MTMR7: variants seen among roughly 807,000 people sequenced by gnomAD.
MTMR7 encodes the protein myotubularin related protein 7.
In MTMR7, 76 loss-of-function variants were observed where a neutral mutation model predicts 81.2. That is an observed-to-expected ratio of 0.94 (90% confidence interval 0.78 to 1.13). The LOEUF (loss-of-function observed/expected upper bound fraction) is 1.13, where lower values mean the gene tolerates loss of function less well. Ranked by LOEUF, MTMR7 falls within the 50% of genes most tolerant of loss-of-function variation. The pLI is 0.00. For synonymous variants in MTMR7, 372 were observed against 289.8 expected (o/e 1.28, Z -2.88); for missense variants, 1,044 against 820.0 (o/e 1.27, Z -3.34).
At chr8:17,326,590 A>G (rs1028416370) in intron 7 of MTMR7, 8 of 151,916 alleles carry the variant, frequency 5.3e-5, no homozygotes, top group Non-Finnish European at 5.9e-5. Context: ...TTAAAAGACA[A>G]TTTAAAAGTG....
chr8:17,328,018 G>C (rs1348293199), intron 7 of MTMR7, among the ~76,000 whole-genome samples: 3 of 152,144 alleles, frequency 2.0e-5, no homozygotes, highest in African/African-American at 7.2e-5. Flanking sequence ...TTAGTTTAAT[G>C]AATACATTGA....
chr8:17,409,970 T>G (rs1171151941), intron 1 of MTMR7, among the ~76,000 whole-genome samples: 1 of 152,014 alleles, frequency 6.6e-6, no homozygotes, highest in Non-Finnish European at 1.5e-5. Context: ...GCTGGAGAAG[T>G]AGGAAGGGCT....
At chr8:17,336,813 G>T (rs1476218295) in intron 6 of MTMR7, among the ~76,000 whole-genome samples, 1 of 152,176 alleles carries the variant, frequency 6.6e-6, no homozygotes, top group Non-Finnish European at 1.5e-5. Flanking sequence ...CGTCAGGCGT[G>T]TGCTCAGAGG....
At chr8:17,309,788 T>G (rs1348918060) in intron 9 of MTMR7, among the ~76,000 whole-genome samples, 2 of 152,174 alleles carry the variant, frequency 1.3e-5, no homozygotes, top group Admixed American at 6.5e-5. Context: ...CTCAGTGTAA[T>G]GTAAATTACC....
chr8:17,385,500 C>G (rs781220527), intron 1 of MTMR7, among the ~76,000 whole-genome samples: 1 of 152,192 alleles, frequency 6.6e-6, no homozygotes, highest in African/African-American at 2.4e-5. Context: ...TGCCCACCAC[C>G]ACGTAAGAAG....
At chr8:17,338,263 T>C (rs1368271398) in intron 6 of MTMR7, among the ~76,000 whole-genome samples, 2 of 152,222 alleles carry the variant, frequency 1.3e-5, no homozygotes, top group African/African-American at 4.8e-5. Context: ...AAATATACCC[T>C]TCAAATCAAA....
At position 17,339,226 on chromosome 8, in the gene MTMR7, G is replaced by C. The variant is rs373010550; in HGVS notation, c.732+2137C>G. ...CTGGTTCTATTTTACCCTTCCTGTTGTAATGTTTATTTCCTATGTTCTTTT... is the reference window on the plus strand; with the variant it reads ...CTGGTTCTATTTTACCCTTCCTGTTCTAATGTTTATTTCCTATGTTCTTTT... On this transcript the variant is annotated intron_variant, in intron 6 of 13. Transcript: ENST00000180173. 2.6e-4 allele frequency among the ~76,000 whole-genome samples: 40 copies of C among 152,186 alleles called. 1 individual carries two copies. The highest frequency in any genetic ancestry group is 8.9e-4 in the African/African-American group (37 of 41,522).
rs540027386 is a variant in MTMR7 at position 17,306,996 on chromosome 8, A to G, written c.1152-1039T>C. Among the ~76,000 whole-genome samples the G allele has an allele frequency of 4.6e-5, 7 of 152,358 alleles. No individual in the cohort carries two copies. In the South Asian group the frequency reaches 1.2e-3, roughly 27 times the overall value. On this transcript the variant is annotated intron_variant, in intron 10 of 13. Transcript: ENST00000180173. ...AGGCATGGGCAAGGACTTCATGTCT[A>G]AAACACCAAAAGCAATGGCAGCAAA...
chr8:17,320,599 G>T (rs992066348), intron 7 of MTMR7, among the ~76,000 whole-genome samples: 1 of 151,354 alleles, frequency 6.6e-6, no homozygotes, highest in African/African-American at 2.4e-5. Flanking sequence ...AAGTCTTCCT[G>T]TGAATTCAGG....
intron 1 of MTMR7, among the ~76,000 whole-genome samples, chr8:17,380,738 G>A (rs1355230483): frequency 6.6e-6 from 1 of 152,158 alleles, no homozygotes; most frequent in African/African-American, 2.4e-5. Flanking sequence ...ACTTGTAAAT[G>A]CCTTTGAGGT....
At chr8:17,406,195 C>G (rs1217332896) in intron 1 of MTMR7, among the ~76,000 whole-genome samples, 1 of 151,976 alleles carries the variant, frequency 6.6e-6, no homozygotes, top group African/African-American at 2.4e-5. Flanking sequence ...CAAGAGACAT[C>G]AAAACAGTGA....
chr8:17,388,591 G>A (rs942125144), intron 1 of MTMR7, among the ~76,000 whole-genome samples: 1 of 152,212 alleles, frequency 6.6e-6, no homozygotes, highest in African/African-American at 2.4e-5. Context: ...TTCTGAATTT[G>A]ACCTATTTTT....
At chr8:17,302,364 T>C (rs1817173725) in intron 12 of MTMR7, 84 bp from the exon 13 acceptor site, 2 of 1,429,988 alleles carry the variant, frequency 1.4e-6, no homozygotes, top group Admixed American at 2.4e-5. Context: ...GTATCTATGA[T>C]ACCACAGTCT....
At position 17,413,260 on chromosome 8, in the gene MTMR7, G is replaced by T. The variant is rs376292719; in HGVS notation, c.24+9C>A. 1.0e-5 allele frequency: 16 copies of T among 1,548,240 alleles called. No individual in the cohort carries two copies. The South Asian group carries it at 1.9e-4, about 18-fold the overall frequency. On this transcript the variant is annotated intron_variant, in intron 1 of 13. Transcript: ENST00000180173. Reference sequence around the variant, plus strand: ...CCGTCCCTCCTCCGCCCGCGCTGGTGTCACCAACCTTGGGCGTACGGATGT... The same window carrying T: ...CCGTCCCTCCTCCGCCCGCGCTGGTTTCACCAACCTTGGGCGTACGGATGT...
chr8:17,304,067 A>G (rs1340814212), intron 12 of MTMR7, among the ~76,000 whole-genome samples: 1 of 152,208 alleles, frequency 6.6e-6, no homozygotes, highest in Non-Finnish European at 1.5e-5. Context: ...GTGATTCCAC[A>G]TTTGACTTAA....
chr8:17,404,054 C>G (rs184882361), intron 1 of MTMR7, among the ~76,000 whole-genome samples: 1 of 152,114 alleles, frequency 6.6e-6, no homozygotes, highest in Non-Finnish European at 1.5e-5. Flanking sequence ...AGTTTAGATG[C>G]TTTCTGTGTG....
chr8:17,309,202 C>A (rs896975800), intron 10 of MTMR7, 75 bp downstream of exon 10: 1 of 1,038,820 alleles, frequency 9.6e-7, no homozygotes, highest in East Asian at 2.4e-5. Context: ...CGATTTTCCC[C>A]TAAATATTCA....
At chr8:17,357,883 A>T (rs1442928237) in intron 4 of MTMR7, among the ~76,000 whole-genome samples, 2 of 151,286 alleles carry the variant, frequency 1.3e-5, no homozygotes, top group Non-Finnish European at 2.9e-5. Context: ...TAAGTGTGCC[A>T]TAAGAAATAA....
At chr8:17,395,843 C>T (rs1363742913) in intron 1 of MTMR7, among the ~76,000 whole-genome samples, 6 of 152,078 alleles carry the variant, frequency 3.9e-5, no homozygotes, top group Non-Finnish European at 7.4e-5. Flanking sequence ...CAGATGTAAA[C>T]ACCTAAGCAT....
Sources: gnomAD v4.1 joint callset for allele counts (sites outside exome capture counted in the v4.1 genomes callset) on GRCh38, gnomAD v4.1.1 for gene constraint, MANE v1.5 for transcripts, NCBI Gene and HGNC (gene_info 2026-07-23, HGNC 2026-07-21) for gene names.